The following PIK3C2B variants were observed in gnomAD, a reference collection of about 807,000 sequenced individuals.
PIK3C2B encodes phosphatidylinositol 4-phosphate 3-kinase C2 domain-containing subunit beta.
In PIK3C2B, 83 loss-of-function variants were observed where a neutral mutation model predicts 184.3. That is an observed-to-expected ratio of 0.45 (90% CI 0.38 to 0.54). PIK3C2B has a LOEUF of 0.54. Among genes scored for constraint, PIK3C2B ranks in the 20% least tolerant of loss-of-function variants. The probability of loss-of-function intolerance (pLI) is 0.00; values close to 1 mark genes in which losing one functional copy is unlikely to be tolerated. For missense variants in PIK3C2B, 1,736 were observed against 2,113.5 expected, an observed-to-expected ratio of 0.82 and a Z score of 3.50; for synonymous variants, 779 against 837.6, an observed-to-expected ratio of 0.93 and a Z score of 1.21.
intron 1 of PIK3C2B, among the ~76,000 whole-genome samples, chr1:204,477,052 A>T (rs1656765590): frequency 6.6e-6 from 1 of 152,178 alleles, no homozygotes; most frequent in Non-Finnish European, 1.5e-5. Context: ...TTGCCTCTAA[A>T]AACTTCAGCC....
At chr1:204,480,022 C>T (rs1039546953) in intron 1 of PIK3C2B, among the ~76,000 whole-genome samples, 9 of 152,234 alleles carry the variant, frequency 5.9e-5, no homozygotes, top group South Asian at 2.1e-4. Flanking sequence ...CTGGGCTCGG[C>T]GGGGCCGGGC....
rs997767840 is a variant in PIK3C2B at position 204,424,532 on chromosome 1, T to A, written c.*320A>T. 1.6e-5 allele frequency: 4 copies of A among 246,996 alleles called. No individual in the cohort carries two copies. Among genetic ancestry groups the A allele is most frequent in the Non-Finnish European group, 3.1e-5 (4 of 128,986 alleles). The allele number at this position is 246,996 out of a possible 1,614,324, so 15.3% of individuals were successfully genotyped here. On this transcript the variant is annotated 3_prime_UTR_variant, in exon 33 of 33. Coordinates refer to ENST00000684373, the MANE Select transcript of PIK3C2B (RefSeq NM_001377334.1). Reference sequence around the variant, plus strand: ...ATCCACCCACCCACCCCCAAAATGCTACTTCATACAGCCCACCCCACACAC... The same window carrying A: ...ATCCACCCACCCACCCCCAAAATGCAACTTCATACAGCCCACCCCACACAC...
chr1:204,445,130 G>A (rs542465790), intron 16 of PIK3C2B, among the ~76,000 whole-genome samples: 5 of 150,780 alleles, frequency 3.3e-5, no homozygotes, highest in Middle Eastern at 3.4e-3. Flanking sequence ...TTACACAGGC[G>A]TATGCATTTG....
rs147140702 is a variant in PIK3C2B, at chr1:204,485,876, T to C, written c.-85+8480A>G. Among the ~76,000 whole-genome samples the C allele has an allele frequency of 4.8e-3, 723 of 151,972 alleles. 3 individuals are homozygous for C. Among genetic ancestry groups the C allele is most frequent in the African/African-American group, 0.016 (684 of 41,488 alleles). On this transcript the variant is annotated intron_variant, in intron 1 of 32. Coordinates refer to ENST00000684373, the MANE Select transcript of PIK3C2B (RefSeq NM_001377334.1). ...GTGAGCCACTGCACCCTTTTATTCATGGGGGATGTGCGATGGCTGTAATAT... is the reference window on the plus strand; with the variant it reads ...GTGAGCCACTGCACCCTTTTATTCACGGGGGATGTGCGATGGCTGTAATAT...
intron 22 of PIK3C2B, 32 bp downstream of exon 22, chr1:204,440,160 C>A (rs17847763): frequency 0.011 from 17,951 of 1,592,108 alleles, 641 homozygotes; most frequent in Admixed American, 0.084. Flanking sequence ...AAGCGGTCCC[C>A]TCCTCCACCC....
At chr1:204,482,651 G>C (rs1378703083) in intron 1 of PIK3C2B, among the ~76,000 whole-genome samples, 4 of 152,096 alleles carry the variant, frequency 2.6e-5, no homozygotes, top group Non-Finnish European at 4.4e-5. Flanking sequence ...TGGTGTGGTG[G>C]TGGGTGCCTG....
rs1658243292 is a variant in PIK3C2B, at chr1:204,494,593, T to G, written c.-322A>C. ...GGCAGCAAAGGGCGCAAGGACCAGC[T>G]TGTGGGGGTGGGGAGGGGTGCTCTC... is the stretch of plus-strand genomic sequence containing the variant. On this transcript the variant is annotated 5_prime_UTR_variant, in exon 1 of 33. Transcript: ENST00000684373. The G allele has an allele frequency of 6.6e-6, 1 of 152,072 alleles. No individual in the cohort carries two copies. Among genetic ancestry groups the G allele is most frequent in the African/African-American group, 2.4e-5 (1 of 41,244 alleles). The allele number at this position is 152,072 out of a possible 1,614,324, so 9.4% of individuals were successfully genotyped here.
In PIK3C2B at chr1:204,456,267, TA is replaced by T. The variant is rs1471663131; in HGVS notation, c.1748-217del. 172 of 424,520 alleles carry T rather than the reference TA, an allele frequency of 4.1e-4. No homozygotes were observed. The Admixed American group carries it at 4.3e-3, about 11-fold the overall frequency. 26.3% of individuals were successfully genotyped at this position (424,520 alleles called of 1,614,324 possible). On this transcript the variant is annotated intron_variant, in intron 10 of 32. Transcript: ENST00000684373. ...TCATAAAATGACAGTTATACAATGT[TA>T]AACATAATCCTTATTTTTACGTATT...
At position 204,430,438 on chromosome 1, in the gene PIK3C2B, C is replaced by T. The variant is rs577455348; in HGVS notation, c.4281-400G>A. 2.6e-5 allele frequency among the ~76,000 whole-genome samples: 4 copies of T among 152,238 alleles called. No individual in the cohort carries two copies. In the East Asian group the frequency reaches 5.8e-4, roughly 22 times the overall value. On this transcript the variant is annotated intron_variant, in intron 28 of 32. Transcript: ENST00000684373. Reference sequence around the variant, plus strand: ...TCGGCTCACTGCAACCTCCACCACCCGGGTTCAAGCGATTCTCCTGCCTCA... The same window carrying T: ...TCGGCTCACTGCAACCTCCACCACCTGGGTTCAAGCGATTCTCCTGCCTCA...
At chr1:204,458,494 ATTTTTT>A (rs1158541930) in intron 8 of PIK3C2B, among the ~76,000 whole-genome samples, 1 of 142,110 alleles carries the variant, frequency 7.0e-6, no homozygotes, top group South Asian at 2.2e-4. Context: ...GGCTATGACA[ATTTTTT>A]TTTTTTTTTT....
intron 4 of PIK3C2B, 61 bp downstream of exon 4, chr1:204,464,389 C>A: frequency 6.7e-7 from 1 of 1,503,022 alleles, no homozygotes; most frequent in Non-Finnish European, 9.1e-7. Flanking sequence ...CGAGTCAAAA[C>A]ACAGTCATCC....
intron 23 of PIK3C2B, among the ~76,000 whole-genome samples, chr1:204,438,679 A>G (rs1311158724): frequency 6.6e-6 from 1 of 152,206 alleles, no homozygotes; most frequent in African/African-American, 2.4e-5. Context: ...CTCCTCCAAG[A>G]CTTAATCTGC....
intron 1 of PIK3C2B, among the ~76,000 whole-genome samples, chr1:204,480,396 T>C (rs1294126489): frequency 6.6e-6 from 1 of 152,138 alleles, no homozygotes; most frequent in East Asian, 1.9e-4. Context: ...TTGTACTGTC[T>C]CTCCTACTGG....
At chr1:204,459,655 C>T (rs1186634387) in intron 8 of PIK3C2B, among the ~76,000 whole-genome samples, 1 of 152,168 alleles carries the variant, frequency 6.6e-6, no homozygotes, top group African/African-American at 2.4e-5. Flanking sequence ...TTCCGACCTG[C>T]TTCTTCTATA....
intron 1 of PIK3C2B, among the ~76,000 whole-genome samples, chr1:204,483,637 G>C (rs1358864471): frequency 6.6e-6 from 1 of 152,196 alleles, no homozygotes; most frequent in Non-Finnish European, 1.5e-5. Context: ...ACTTTAGCGA[G>C]GGGGAGGGGT....
At position 204,457,874 on chromosome 1, in the gene PIK3C2B, C is replaced by T; in HGVS notation, c.1567G>A (p.Gly523Arg). Residue 523 changes from glycine to arginine, a missense_variant and splice_region_variant, in exon 9 of 33, where the codon GGA (glycine) becomes AGA (arginine). Transcript: ENST00000684373. Reference protein sequence around the residue: ...NEVDAFLLADGDFPLKADRVV... With the variant: ...NEVDAFLLADRDFPLKADRVV... Reference sequence around the variant, plus strand: ...CTGTCAGCCTTCAGTGGGAAGTCTCCCTGTGGGAGGTGGCACAGTGAGGCT... The same window carrying T: ...CTGTCAGCCTTCAGTGGGAAGTCTCTCTGTGGGAGGTGGCACAGTGAGGCT... The T allele has an allele frequency of 6.2e-7, 1 of 1,612,050 alleles. No homozygotes were observed. Among genetic ancestry groups the T allele is most frequent in the East Asian group, 2.2e-5 (1 of 44,812 alleles).
intron 31 of PIK3C2B, among the ~76,000 whole-genome samples, chr1:204,427,287 GC>G (rs1163805949): frequency 6.6e-6 from 1 of 152,148 alleles, no homozygotes; most frequent in Non-Finnish European, 1.5e-5. Flanking sequence ...AGCCCCTTGG[GC>G]CTCTCCCTTA....
Position 204,423,262 on chromosome 1 carries a change from A to C in PIK3C2B, c.*1590T>G, listed in dbSNP as rs1026429623. ...CAAGAGATCGAGACCATCCTGGCCA[A>C]CATGGTGAAACCCCGTCTCTACTAA... On this transcript the variant is annotated 3_prime_UTR_variant, in exon 33 of 33. Transcript: ENST00000684373. 1.3e-5 allele frequency: 2 copies of C among 152,292 alleles called. No individual in the cohort carries two copies. Among genetic ancestry groups the C allele is most frequent in the African/African-American group, 4.8e-5 (2 of 41,452 alleles). 9.4% of individuals were successfully genotyped at this position (152,292 alleles called of 1,614,324 possible).
chr1:204,424,508 T>TA lies in PIK3C2B; in HGVS notation c.*343_*344insT. The TA allele has an allele frequency of 5.6e-6, 2 of 358,416 alleles. No individual in the cohort carries two copies. Among genetic ancestry groups the TA allele is most frequent in the Non-Finnish European group, 1.1e-5 (2 of 185,012 alleles). The allele number at this position is 358,416 out of a possible 1,614,324, so 22.2% of individuals were successfully genotyped here. On this transcript the variant is annotated 3_prime_UTR_variant, in exon 33 of 33. Coordinates refer to ENST00000684373, the MANE Select transcript of PIK3C2B (RefSeq NM_001377334.1). ...TTTTTTAAAAATAAAAATTAAGATATCCACCCACCCACCCCCAAAATGCTA... is the reference window on the plus strand; with the variant it reads ...TTTTTTAAAAATAAAAATTAAGATATACCACCCACCCACCCCCAAAATGCTA...
Sources: gnomAD v4.1 joint callset for allele counts (sites outside exome capture counted in the v4.1 genomes callset) on GRCh38, gnomAD v4.1.1 for gene constraint, MANE v1.5 for transcripts, NCBI Gene and HGNC (gene_info 2026-07-23, HGNC 2026-07-21) for gene names.